The following SFSWAP variants were observed in gnomAD, a reference collection of about 807,000 sequenced individuals.
SFSWAP encodes the protein splicing factor SWAP.
A neutral mutation model predicts 100.7 loss-of-function variants in SFSWAP; 17 were observed. The ratio of observed to expected loss-of-function variants is 0.17; its 90% CI spans 0.12 to 0.25. The LOEUF (loss-of-function observed/expected upper bound fraction) is 0.25, where lower values mean the gene tolerates loss of function less well. SFSWAP is among the 10% of genes least tolerant of loss of function. SFSWAP has a pLI of 1.00. For missense variants in SFSWAP, 1,005 were observed against 1,262.6 expected (o/e 0.80, Z 3.09); for synonymous variants, 504 against 510.1 (o/e 0.99, Z 0.16).
intron 6 of SFSWAP, among the ~76,000 whole-genome samples, chr12:131,727,650 A>G (rs1174954507): frequency 6.6e-6 from 1 of 152,206 alleles, no homozygotes; most frequent in Admixed American, 6.5e-5. Context: ...AAAAGAAAAA[A>G]AAATTGTTTA....
In SFSWAP at chr12:131,739,634, C is replaced by T. The variant is rs371149900; in HGVS notation, c.1081+11206C>T. On this transcript the variant is annotated intron_variant, in intron 7 of 17. Coordinates refer to ENST00000261674, the MANE Select transcript of SFSWAP (RefSeq NM_004592.4). Reference sequence around the variant, plus strand: ...AATCTCGGCTCACTGCAAGCTCTGCCTCCTGGGTTCACGCCATTCTTCTGC... The same window carrying T: ...AATCTCGGCTCACTGCAAGCTCTGCTTCCTGGGTTCACGCCATTCTTCTGC... Among the ~76,000 whole-genome samples the T allele has an allele frequency of 6.0e-4, 89 of 148,430 alleles. No individual in the cohort carries two copies. The East Asian group carries it at 0.014, about 24-fold the overall frequency.
At chr12:131,736,828 T>C (rs1017281760) in intron 7 of SFSWAP, among the ~76,000 whole-genome samples, 1 of 152,036 alleles carries the variant, frequency 6.6e-6, no homozygotes, top group African/African-American at 2.4e-5. Flanking sequence ...AGACAAAACC[T>C]ACAATGGAGT....
rs35416334 is a variant in SFSWAP, at chr12:131,794,337, CTT to C, written c.2535-2829_2535-2828del. On this transcript the variant is annotated intron_variant, in intron 15 of 17. Transcript: ENST00000261674. The surrounding 1 kb of genome is among the most constrained non-coding windows in gnomAD (Gnocchi z 4.8). ...ATTGCTTGAGCCCAGGATTTGCAGGCTTTTTTTTTTTTTGGTAGAGACCCCCA... is the reference window on the plus strand; with the variant it reads ...ATTGCTTGAGCCCAGGATTTGCAGGCTTTTTTTTTTTGGTAGAGACCCCCA... Among the ~76,000 whole-genome samples, 4 of 132,108 alleles carry C rather than the reference CTT, an allele frequency of 3.0e-5. No individual in the cohort carries two copies. Among genetic ancestry groups the C allele is most frequent in the Non-Finnish European group, 3.2e-5 (2 of 61,664 alleles). The allele number at this position is 132,108 out of a possible 152,430, so 86.7% of individuals were successfully genotyped here. A position where few individuals can be genotyped will look rare whatever the true frequency, so the allele number is the denominator to read the frequency against.
At chr12:131,755,324 C>A in intron 9 of SFSWAP, 62 bp from the exon 10 acceptor site, 1 of 1,135,162 alleles carries the variant, frequency 8.8e-7, no homozygotes, top group Non-Finnish European at 1.3e-6. Context: ...AGAACAGGGC[C>A]TGTTGTTACT....
chr12:131,779,963 T>A (rs1390097691), intron 14 of SFSWAP, among the ~76,000 whole-genome samples: 1 of 152,198 alleles, frequency 6.6e-6, no homozygotes, highest in Admixed American at 6.5e-5. Context: ...ATTTTGTTTT[T>A]TTAGTAGAGA....
chr12:131,751,818 C>G (rs547755999), intron 7 of SFSWAP, among the ~76,000 whole-genome samples: 5 of 152,242 alleles, frequency 3.3e-5, no homozygotes, highest in African/African-American at 1.2e-4. Context: ...CATTGACATC[C>G]AAGGGTCTCA....
At chr12:131,779,364 A>G (rs1884318271) in intron 14 of SFSWAP, among the ~76,000 whole-genome samples, 2 of 151,876 alleles carry the variant, frequency 1.3e-5, no homozygotes, top group Admixed American at 6.6e-5. Flanking sequence ...CTATTAAACC[A>G]AAGGCCTTCT....
chr12:131,750,132 A>G (rs1466464699), intron 7 of SFSWAP, among the ~76,000 whole-genome samples: 6 of 152,198 alleles, frequency 3.9e-5, no homozygotes, highest in African/African-American at 1.4e-4. Flanking sequence ...CCAGGGCCAC[A>G]GTGTCTGGGG....
At chr12:131,779,995 A>T (rs796717964) in intron 14 of SFSWAP, among the ~76,000 whole-genome samples, 2 of 152,320 alleles carry the variant, frequency 1.3e-5, no homozygotes, top group South Asian at 2.1e-4. Context: ...CATGTTGGCC[A>T]GGCTGGTCTC....
chr12:131,746,071 A>G (rs1881075277), intron 7 of SFSWAP, among the ~76,000 whole-genome samples: 1 of 152,246 alleles, frequency 6.6e-6, no homozygotes, highest in Non-Finnish European at 1.5e-5. Flanking sequence ...ACACACTAAT[A>G]CATGTACATG....
At chr12:131,791,375 T>C (rs1016268046) in intron 15 of SFSWAP, among the ~76,000 whole-genome samples, 39 of 151,754 alleles carry the variant, frequency 2.6e-4, no homozygotes, top group African/African-American at 9.2e-4. Context: ...GGTGACAAAG[T>C]GAGACTCTAT....
At chr12:131,772,692 A>G (rs558593975) in intron 13 of SFSWAP, among the ~76,000 whole-genome samples, 4 of 152,104 alleles carry the variant, frequency 2.6e-5, no homozygotes, top group African/African-American at 9.7e-5. Flanking sequence ...GGTGTCTGTG[A>G]CCCCTGGAGC....
chr12:131,751,875 G>T (rs1000083283), intron 7 of SFSWAP, among the ~76,000 whole-genome samples: 2 of 152,152 alleles, frequency 1.3e-5, no homozygotes, highest in African/African-American at 4.8e-5. Context: ...AGATATATCT[G>T]TGTTGACGAT....
rs71072785 is a variant in SFSWAP at position 131,738,885 on chromosome 12, C to CTTTTTTTTTT, written c.1081+10472_1081+10481dup. Among the ~76,000 whole-genome samples the CTTTTTTTTTT allele has an allele frequency of 5.3e-4, 26 of 48,754 alleles. 9 individuals are homozygous for CTTTTTTTTTT. The highest frequency in any genetic ancestry group is 5.8e-4 in the Non-Finnish European group (14 of 24,294). The allele number at this position is 48,754 out of a possible 152,430, so 32.0% of individuals were successfully genotyped here. A position where few individuals can be genotyped will look rare whatever the true frequency, so the allele number is the denominator to read the frequency against. On this transcript the variant is annotated intron_variant, in intron 7 of 17. Transcript: ENST00000261674. ...TTCCAGTGCTGTAATGAACATTATT[C>CTTTTTTTTTT]TTTTTTTTTTTTTTTTTTTTTTTTG...
intron 12 of SFSWAP, 89 bp from the exon 13 acceptor site, chr12:131,766,029 G>A (rs901578767): frequency 6.9e-6 from 9 of 1,313,572 alleles, no homozygotes; most frequent in Admixed American, 2.3e-5. Context: ...TAACTGCATT[G>A]TATGACACTT....
At chr12:131,783,467 A>T (rs1884644832) in intron 14 of SFSWAP, 1 of 152,056 alleles carries the variant, frequency 6.6e-6, no homozygotes, top group Admixed American at 6.6e-5. Flanking sequence ...TCATTTTAAG[A>T]TATCTTCCAG....
intron 7 of SFSWAP, among the ~76,000 whole-genome samples, chr12:131,738,375 A>T (rs926933190): frequency 6.6e-6 from 1 of 152,252 alleles, no homozygotes; most frequent in African/African-American, 2.4e-5. Context: ...CACTGAGGTC[A>T]TCGTGCTAAA....
chr12:131,796,879 A>G (rs949703443), intron 15 of SFSWAP: 1 of 299,234 alleles, frequency 3.3e-6, no homozygotes, highest in Non-Finnish European at 6.1e-6. Flanking sequence ...CATAAGTGGC[A>G]AAGCACTATG....
intron 7 of SFSWAP, among the ~76,000 whole-genome samples, chr12:131,736,384 T>C (rs1249277734): frequency 6.6e-6 from 1 of 152,152 alleles, no homozygotes; most frequent in East Asian, 1.9e-4. Flanking sequence ...CCAGCAGTTA[T>C]ATTCAATTAA....
Sources: allele counts gnomAD v4.1 joint callset (sites outside exome capture counted in the v4.1 genomes callset), GRCh38; gene constraint gnomAD v4.1.1; non-coding constraint Gnocchi (gnomAD v3.1); transcripts MANE v1.5; gene names NCBI Gene and HGNC (gene_info 2026-07-23, HGNC 2026-07-21).